The following GRXCR1 variants were observed in gnomAD, a reference collection of about 807,000 sequenced individuals.
GRXCR1 encodes glutaredoxin and cysteine rich domain containing 1.
In GRXCR1, 27 loss-of-function variants were observed where a neutral mutation model predicts 27.3. The observed-to-expected ratio is 0.99, with a 90% CI of 0.73 to 1.37. GRXCR1 has a LOEUF of 1.37. GRXCR1 is among the 40% of genes most tolerant of loss of function. The pLI is 0.00. For synonymous variants in GRXCR1, 122 were observed against 131.1 expected (o/e 0.93, Z 0.47); for missense variants, 379 against 354.4 (o/e 1.07, Z -0.56).
intron 3 of GRXCR1, among the ~76,000 whole-genome samples, chr4:43,024,431 G>A (rs925391354): frequency 1.3e-5 from 2 of 152,030 alleles, no homozygotes; most frequent in Non-Finnish European, 2.9e-5. Flanking sequence ...GGGAAAGGGG[G>A]TGGCCATAGC....
At chr4:42,979,163 C>T (rs1179398869) in intron 2 of GRXCR1, among the ~76,000 whole-genome samples, 1 of 151,916 alleles carries the variant, frequency 6.6e-6, no homozygotes, top group East Asian at 1.9e-4. Flanking sequence ...GATTTGAATG[C>T]TTTTTATTTA....
chr4:42,963,200 C>T, intron 2 of GRXCR1, 66 bp downstream of exon 2: 2 of 1,563,220 alleles, frequency 1.3e-6, no homozygotes, highest in African/African-American at 1.4e-5. Context: ...AATCTATAAC[C>T]ATCTATACAT....
chr4:42,981,596 T>A (rs770893192), intron 2 of GRXCR1, among the ~76,000 whole-genome samples: 2 of 152,246 alleles, frequency 1.3e-5, no homozygotes, highest in Non-Finnish European at 2.9e-5. Context: ...TGAAGAACTT[T>A]GTCATTTCTT....
At chr4:43,028,965 T>C (rs1463165201) in intron 3 of GRXCR1, among the ~76,000 whole-genome samples, 1 of 152,196 alleles carries the variant, frequency 6.6e-6, no homozygotes, top group Non-Finnish European at 1.5e-5. Flanking sequence ...TATATGAGTT[T>C]AGCCATCTTG....
chr4:42,906,778 T>C (rs57359881), intron 1 of GRXCR1, among the ~76,000 whole-genome samples: 44,690 of 152,076 alleles, frequency 0.29, 7,146 homozygotes, highest in African/African-American at 0.41. Context: ...ATACTGTTTC[T>C]TTAATCCTCA....
chr4:43,008,397 T>G (rs1712632815), intron 2 of GRXCR1, among the ~76,000 whole-genome samples: 1 of 152,162 alleles, frequency 6.6e-6, no homozygotes, highest in South Asian at 2.1e-4. Context: ...GATGCACAGG[T>G]CAGAAGTTCT....
intron 1 of GRXCR1, among the ~76,000 whole-genome samples, chr4:42,936,628 G>A (rs1747464246): frequency 6.6e-6 from 1 of 151,706 alleles, no homozygotes; most frequent in African/African-American, 2.4e-5. Flanking sequence ...ATTTCCTTAG[G>A]GTTCATCTGG....
chr4:42,894,984 T>C (rs1406005303), intron 1 of GRXCR1, among the ~76,000 whole-genome samples: 2 of 152,170 alleles, frequency 1.3e-5, no homozygotes, highest in Admixed American at 1.3e-4. Context: ...AATTGCCTTA[T>C]GATTTGGAGG....
intron 1 of GRXCR1, among the ~76,000 whole-genome samples, chr4:42,948,840 C>T (rs1273906670): frequency 1.3e-5 from 2 of 152,062 alleles, no homozygotes; most frequent in African/African-American, 4.8e-5. Context: ...ATGGGGGACC[C>T]TTTAGCAGCC....
intron 1 of GRXCR1, among the ~76,000 whole-genome samples, chr4:42,950,876 A>G (rs1192894603): frequency 6.6e-6 from 1 of 152,140 alleles, no homozygotes; most frequent in Non-Finnish European, 1.5e-5. Flanking sequence ...ATCTATGTCT[A>G]TATGTCTACA....
At chr4:42,998,847 T>G (rs1326587046) in intron 2 of GRXCR1, among the ~76,000 whole-genome samples, 1 of 152,252 alleles carries the variant, frequency 6.6e-6, no homozygotes, top group Non-Finnish European at 1.5e-5. Flanking sequence ...GTGTCAGAGA[T>G]AAGTTTTGAG....
At chr4:42,943,462 A>G (rs906480188) in intron 1 of GRXCR1, among the ~76,000 whole-genome samples, 3 of 152,006 alleles carry the variant, frequency 2.0e-5, no homozygotes, top group Non-Finnish European at 4.4e-5. Flanking sequence ...TTGCTAACGA[A>G]TAAGATCCCT....
chr4:42,995,578 C>A (rs1380923631), intron 2 of GRXCR1, among the ~76,000 whole-genome samples: 1 of 152,134 alleles, frequency 6.6e-6, no homozygotes, highest in Non-Finnish European at 1.5e-5. Flanking sequence ...TACCTACAGT[C>A]CTATGCACAA....
chr4:42,967,323 C>T (rs1560668181), intron 2 of GRXCR1, among the ~76,000 whole-genome samples: 1 of 151,936 alleles, frequency 6.6e-6, no homozygotes, highest in Non-Finnish European at 1.5e-5. Context: ...ATTGAAATGC[C>T]TTTGCTGTGT....
chr4:43,009,050 G>A (rs1712651940), intron 2 of GRXCR1, among the ~76,000 whole-genome samples: 1 of 152,182 alleles, frequency 6.6e-6, no homozygotes, highest in African/African-American at 2.4e-5. Context: ...ATCAATCACA[G>A]CAACCTTGTA....
intron 1 of GRXCR1, among the ~76,000 whole-genome samples, chr4:42,902,196 A>G (rs1746476337): frequency 6.6e-6 from 1 of 152,192 alleles, no homozygotes; most frequent in Non-Finnish European, 1.5e-5. Flanking sequence ...AAAGAAATGA[A>G]TTAAGAGAAG....
At chr4:42,943,023 G>A (rs1747659639) in intron 1 of GRXCR1, among the ~76,000 whole-genome samples, 2 of 152,032 alleles carry the variant, frequency 1.3e-5, no homozygotes, top group Admixed American at 6.6e-5. Context: ...CTTAATGGAA[G>A]GGCTGGATGT....
At chr4:43,011,069 A>C (rs745651753) in intron 2 of GRXCR1, among the ~76,000 whole-genome samples, 3 of 152,304 alleles carry the variant, frequency 2.0e-5, no homozygotes, top group Non-Finnish European at 4.4e-5. Context: ...ACATCCTCTT[A>C]CCTATCACTT....
chr4:42,897,066 T>A (rs573664221), intron 1 of GRXCR1, among the ~76,000 whole-genome samples: 2 of 152,158 alleles, frequency 1.3e-5, no homozygotes, highest in African/African-American at 4.8e-5. Context: ...TGGAAAATTT[T>A]AAAAATATAT....
Sources: gnomAD v4.1 joint callset for allele counts (sites outside exome capture counted in the v4.1 genomes callset) on GRCh38, gnomAD v4.1.1 for gene constraint, MANE v1.5 for transcripts, NCBI Gene and HGNC (gene_info 2026-07-23, HGNC 2026-07-21) for gene names.